NBPF11: variants seen among roughly 807,000 people sequenced by gnomAD.
NBPF11 encodes the protein NBPF member 11, also known as NBPF family member NBPF11.
Under a neutral mutation model 93.9 loss-of-function variants are expected in NBPF11, and 72 were observed. That is an observed-to-expected ratio of 0.77 (90% CI 0.63 to 0.93). The LOEUF (loss-of-function observed/expected upper bound fraction) is 0.93. Among genes scored for constraint, NBPF11 ranks in the 40% least tolerant of loss-of-function variants. The pLI, the probability that NBPF11 is intolerant of heterozygous loss-of-function variation, is 0.00. For missense variants in NBPF11, 705 were observed against 802.2 expected (o/e 0.88, Z 1.46); for synonymous variants, 224 against 304.9 (o/e 0.73, Z 2.76).
chr1:148,105,585 C>T, intron 21 of NBPF11, 57 bp from the exon 22 acceptor site: 1 of 716,008 alleles, frequency 1.4e-6, no homozygotes. Flanking sequence ...ACAACAGAGC[C>T]CCAACTAGGT....
intron 23 of NBPF11, 57 bp downstream of exon 23, chr1:148,104,480 A>G: frequency 1.7e-6 from 1 of 592,652 alleles, no homozygotes; most frequent in South Asian, 2.0e-5. Context: ...GTTTCCCTGA[A>G]TCTGTTGCCT....
intron 2 of NBPF11, among the ~76,000 whole-genome samples, chr1:148,140,164 G>A (rs1307055336): frequency 1.3e-5 from 2 of 152,034 alleles, no homozygotes; most frequent in African/African-American, 4.8e-5. Flanking sequence ...GAGGTTTAGA[G>A]ACAATTTAAA....
rs1414233730 is a variant in NBPF11 at position 148,149,980 on chromosome 1, CCTG to C, written c.-549+1767_-549+1769del. Among the ~76,000 whole-genome samples the C allele has an allele frequency of 2.3e-3, 342 of 151,674 alleles. 9 individuals are homozygous for C. The highest frequency in any genetic ancestry group is 8.0e-3 in the African/African-American group (329 of 41,142). On this transcript the variant is annotated intron_variant, in intron 1 of 23. Coordinates refer to ENST00000682118, the MANE Select transcript of NBPF11 (RefSeq NM_001385469.3). ...AGGATGTGGGGTAACTGGAATATTCCCTGCTAACTGATAAAACACTTTGGGAAA... is the reference window on the plus strand; with the variant it reads ...AGGATGTGGGGTAACTGGAATATTCCCTAACTGATAAAACACTTTGGGAAA...
At chr1:148,146,118 T>G (rs1358643661) in intron 1 of NBPF11, among the ~76,000 whole-genome samples, 3 of 151,426 alleles carry the variant, frequency 2.0e-5, no homozygotes, top group Admixed American at 6.6e-5. Flanking sequence ...CCGGGAGCCA[T>G]GGAGCGCGGC....
rs1204318191 is a variant in NBPF11, at chr1:148,106,557, A to G, written c.2252-325T>C. ...TTCTAGGAGGAAAACTAAAGTATTC[A>G]GCCCTGTCTCATCAAATGCCCAGCT... On this transcript the variant is annotated intron_variant, in intron 20 of 23. Coordinates refer to ENST00000682118, the MANE Select transcript of NBPF11 (RefSeq NM_001385469.3). Among the ~76,000 whole-genome samples the G allele has an allele frequency of 1.4e-5, 2 of 139,590 alleles. 1 individual carries two copies. The highest frequency in any genetic ancestry group is 1.4e-4 in the Admixed American group (2 of 14,024). The allele number at this position is 139,590 out of a possible 152,430, so 91.6% of individuals were successfully genotyped here.
At chr1:148,109,413 T>C (rs1202653425) in intron 16 of NBPF11, 78 bp from the exon 17 acceptor site, 19 of 911,724 alleles carry the variant, frequency 2.1e-5, no homozygotes, top group Non-Finnish European at 7.2e-6. Flanking sequence ...TGTCCAATCC[T>C]AACACAGGGA....
intron 1 of NBPF11, 110 bp downstream of exon 1, chr1:148,151,640 C>G (rs1648380438): frequency 6.6e-6 from 1 of 152,340 alleles, no homozygotes; most frequent in African/African-American, 2.4e-5. Context: ...GCGCAACCGC[C>G]CCGCTCGCCT....
At chr1:148,118,367 T>G (rs1667055722) in intron 11 of NBPF11, among the ~76,000 whole-genome samples, 1 of 151,886 alleles carries the variant, frequency 6.6e-6, no homozygotes, top group South Asian at 2.1e-4. Flanking sequence ...TGGTTAATTT[T>G]GTGTTATGTA....
chr1:148,138,956 T>A (rs1671770029), intron 2 of NBPF11, among the ~76,000 whole-genome samples: 1 of 151,256 alleles, frequency 6.6e-6, no homozygotes. Context: ...CCAGGTGTGG[T>A]GGCAGGCGCC....
chr1:148,150,792 A>G (rs1648105299), intron 1 of NBPF11, among the ~76,000 whole-genome samples: 1 of 149,548 alleles, frequency 6.7e-6, no homozygotes, highest in Non-Finnish European at 1.5e-5. Flanking sequence ...GTGACAAGAT[A>G]TCTCCGCTCA....
intron 4 of NBPF11, among the ~76,000 whole-genome samples, chr1:148,133,579 T>C (rs1417527304): frequency 2.0e-5 from 3 of 152,128 alleles, no homozygotes; most frequent in African/African-American, 4.8e-5. Flanking sequence ...TTTTACTGTG[T>C]ATGACCACGT....
intron 20 of NBPF11, 124 bp from the exon 21 acceptor site, chr1:148,106,356 G>T (rs1663612391): frequency 6.9e-6 from 5 of 729,316 alleles, no homozygotes; most frequent in Admixed American, 1.8e-5. Flanking sequence ...CAATGTGAGG[G>T]ATATACTTCA....
rs781939704 is a variant in NBPF11 at position 148,124,881 on chromosome 1, C to A, written c.278+18G>T. The A allele has an allele frequency of 1.9e-6, 3 of 1,607,656 alleles. No homozygotes were observed. Among genetic ancestry groups the A allele is most frequent in the East Asian group, 2.2e-5 (1 of 44,872 alleles). On this transcript the variant is annotated intron_variant, in intron 6 of 23. Transcript: ENST00000682118. ...CTACACACCTACCTGCCTGTCTCCCCCTACGGGGTCCCCTCACCTGAGCTC... is the reference window on the plus strand; with the variant it reads ...CTACACACCTACCTGCCTGTCTCCCACTACGGGGTCCCCTCACCTGAGCTC...
chr1:148,108,576 T>A lies in NBPF11; in HGVS notation c.1932A>T (p.Ser644=). Residue 644 remains serine (S), a synonymous_variant, in exon 18 of 24, where the codon TCA becomes TCT. Transcript: ENST00000682118. ...ATGAGTCAGTCAGTCCAAGATAAAC[T>A]GAAGGAGTTGAATAACATCTATCCA... The part of the protein sequence containing the change: ...DSLDRCYSTP[S]VYLGLTDSCQ... The A allele has an allele frequency of 6.3e-7, 1 of 1,591,128 alleles. No homozygotes were observed. The highest frequency in any genetic ancestry group is 2.2e-4 in the Middle Eastern group (1 of 4,508).
chr1:148,149,723 A>T (rs1194305942), intron 1 of NBPF11, among the ~76,000 whole-genome samples: 6 of 151,444 alleles, frequency 4.0e-5, no homozygotes, highest in African/African-American at 1.5e-4. Context: ...CAACAGAGCT[A>T]CGCACTCCTT....
In NBPF11 at chr1:148,146,451, C is replaced by T. The variant is rs1321458059; in HGVS notation, c.-548-2765G>A. Reference sequence around the variant, plus strand: ...GCCTCTTCTGCTGCCCTCCCTGCCCCGGCCGCATCGCTGCCAAGCTCGCCT... The same window carrying T: ...GCCTCTTCTGCTGCCCTCCCTGCCCTGGCCGCATCGCTGCCAAGCTCGCCT... On this transcript the variant is annotated intron_variant, in intron 1 of 23. Coordinates refer to ENST00000682118, the MANE Select transcript of NBPF11 (RefSeq NM_001385469.3). 6 of 1,604,320 alleles carry T rather than the reference C, an allele frequency of 3.7e-6. No individual in the cohort carries two copies. In the African/African-American group the frequency reaches 4.0e-5, roughly 11 times the overall value.
intron 2 of NBPF11, among the ~76,000 whole-genome samples, chr1:148,141,924 A>G (rs1171382574): frequency 2.0e-4 from 30 of 151,166 alleles, no homozygotes; most frequent in Admixed American, 2.0e-3. Context: ...AAAATAGTAG[A>G]ACAAAAAGGA....
chr1:148,122,032 G>A, intron 9 of NBPF11, 23 bp downstream of exon 9: 1 of 1,522,752 alleles, frequency 6.6e-7, no homozygotes, highest in Non-Finnish European at 9.1e-7. Flanking sequence ...AGAGGTATGA[G>A]ACACAAGGAA....
Position 148,105,422 on chromosome 1 carries a change from G to A in NBPF11, c.2410C>T (p.Pro804Ser), listed in dbSNP as rs1357673575. 4.5e-6 allele frequency: 5 copies of A among 1,119,812 alleles called. No homozygotes were observed. The highest frequency in any genetic ancestry group is 6.7e-6 in the Non-Finnish European group (5 of 744,852). 69.4% of individuals were successfully genotyped at this position (1,119,812 alleles called of 1,614,324 possible). A position where few individuals can be genotyped will look rare whatever the true frequency, so the allele number is the denominator to read the frequency against. Residue 804 changes from proline to serine, a missense_variant, in exon 22 of 24, where the codon CCT (proline) becomes TCT (serine). Physicochemically the swap from Pro to Ser is moderately conservative, Grantham distance 74. Coordinates refer to ENST00000682118, the MANE Select transcript of NBPF11 (RefSeq NM_001385469.3). The stretch of plus-strand genomic sequence containing the variant: ...CAATGCATAAAAGGAACTTCCGTAG[G>A]GCTGGCAGGAGTCAGGCTGTTCAAG... ...VVLNSLTPAS[P>S]TEVPFMHWRK...
Sources: allele counts gnomAD v4.1 joint callset (sites outside exome capture counted in the v4.1 genomes callset), GRCh38; gene constraint gnomAD v4.1.1; transcripts MANE v1.5; gene names NCBI Gene and HGNC (gene_info 2026-07-23, HGNC 2026-07-21).